CRACD: variants seen among roughly 807,000 people sequenced by gnomAD.
The protein encoded by CRACD is capping protein-inhibiting regulator of actin dynamics.
In CRACD, 56 loss-of-function variants were observed where a neutral mutation model predicts 106.8. The ratio of observed to expected loss-of-function variants is 0.52; its 90% CI spans 0.42 to 0.66. The LOEUF (loss-of-function observed/expected upper bound fraction) is 0.66, where lower values mean the gene tolerates loss of function less well. CRACD is among the 30% of genes least tolerant of loss of function. The pLI, the probability that CRACD is intolerant of heterozygous loss-of-function variation, is 0.00. For missense variants in CRACD, 1,730 were observed against 1,623.2 expected (o/e 1.07, Z -1.13); for synonymous variants, 754 against 670.8 (o/e 1.12, Z -1.92).
chr4:56,252,510 G>A (rs978837215), intron 2 of CRACD, among the ~76,000 whole-genome samples: 1 of 152,166 alleles, frequency 6.6e-6, no homozygotes, highest in East Asian at 1.9e-4. Context: ...CCAGCTCAAG[G>A]CTATAGTATT....
At chr4:56,066,536 C>T (rs1489681930) in intron 1 of CRACD, among the ~76,000 whole-genome samples, 1 of 151,964 alleles carries the variant, frequency 6.6e-6, no homozygotes, top group Non-Finnish European at 1.5e-5. Flanking sequence ...GAGCGAGACC[C>T]TGTCTCAGAA....
chr4:56,133,730 T>C (rs1734901726), intron 1 of CRACD, among the ~76,000 whole-genome samples: 1 of 152,204 alleles, frequency 6.6e-6, no homozygotes, highest in Non-Finnish European at 1.5e-5. Flanking sequence ...AGGATATGAT[T>C]TAGTTCTTTC....
chr4:56,174,907 A>G (rs1228325915), intron 1 of CRACD, among the ~76,000 whole-genome samples: 3 of 152,230 alleles, frequency 2.0e-5, no homozygotes, highest in Admixed American at 1.3e-4. Context: ...CAGAAGGTGA[A>G]GGGGAAGCAA....
intron 1 of CRACD, among the ~76,000 whole-genome samples, chr4:56,161,000 G>A (rs190158169): frequency 1.7e-4 from 26 of 152,290 alleles, no homozygotes; most frequent in Non-Finnish European, 3.2e-4. Flanking sequence ...TTATCTGGGC[G>A]TTCTGGATGT....
At chr4:56,233,138 A>T (rs1739745533) in intron 2 of CRACD, among the ~76,000 whole-genome samples, 1 of 148,964 alleles carries the variant, frequency 6.7e-6, no homozygotes. Context: ...ATTTACTTAT[A>T]TTAAGTTGCG....
intron 3 of CRACD, among the ~76,000 whole-genome samples, chr4:56,296,058 C>T (rs942220449): frequency 1.3e-5 from 2 of 152,116 alleles, no homozygotes; most frequent in African/African-American, 4.8e-5. Flanking sequence ...GTGTCTTCAA[C>T]CCTCTCACAG....
intron 2 of CRACD, among the ~76,000 whole-genome samples, chr4:56,193,055 T>C (rs183518121): frequency 6.6e-6 from 1 of 152,264 alleles, no homozygotes; most frequent in Admixed American, 6.5e-5. Context: ...AAAAGCGGTA[T>C]AATGGACTCA....
chr4:56,255,433 T>G (rs1002657484), intron 2 of CRACD, among the ~76,000 whole-genome samples: 1 of 152,080 alleles, frequency 6.6e-6, no homozygotes, highest in African/African-American at 2.4e-5. Context: ...CCTTGAAATT[T>G]TTAACAGTTC....
chr4:56,177,134 T>C (rs943836529), intron 1 of CRACD, among the ~76,000 whole-genome samples: 18 of 152,300 alleles, frequency 1.2e-4, no homozygotes, highest in African/African-American at 4.3e-4. Flanking sequence ...CCTGTCTTGT[T>C]CTAGAGCTTA....
At chr4:56,101,760 CAAAAAAAA>C (rs60106850) in intron 1 of CRACD, among the ~76,000 whole-genome samples, 3 of 103,296 alleles carry the variant, frequency 2.9e-5, no homozygotes, top group Non-Finnish European at 6.4e-5. Flanking sequence ...AAGACTGTCT[CAAAAAAAA>C]AAAAAAAAAA....
At chr4:56,171,430 C>T (rs1007040086) in intron 1 of CRACD, among the ~76,000 whole-genome samples, 1 of 152,162 alleles carries the variant, frequency 6.6e-6, no homozygotes, top group Admixed American at 6.5e-5. Context: ...CAGTTAGCAG[C>T]ATCATAGATT....
At chr4:56,146,794 A>G (rs930783881) in intron 1 of CRACD, among the ~76,000 whole-genome samples, 2 of 152,062 alleles carry the variant, frequency 1.3e-5, no homozygotes, top group Non-Finnish European at 2.9e-5. Context: ...TTTTGCAACT[A>G]TCATTGTAAC....
At chr4:56,107,660 C>T (rs1733992961) in intron 1 of CRACD, among the ~76,000 whole-genome samples, 1 of 152,182 alleles carries the variant, frequency 6.6e-6, no homozygotes, top group Non-Finnish European at 1.5e-5. Flanking sequence ...GGTAGAGCTG[C>T]TTCTTCAGAT....
chr4:56,128,209 T>C (rs1181405412), intron 1 of CRACD, among the ~76,000 whole-genome samples: 1 of 152,188 alleles, frequency 6.6e-6, no homozygotes, highest in Non-Finnish European at 1.5e-5. Context: ...TAAATGTAAC[T>C]GAACCTGGGA....
At chr4:56,250,944 C>G (rs1741018294) in intron 2 of CRACD, among the ~76,000 whole-genome samples, 1 of 152,200 alleles carries the variant, frequency 6.6e-6, no homozygotes, top group Admixed American at 6.5e-5. Context: ...TTTCCTTGAT[C>G]TAAAGATTCC....
chr4:56,192,638 T>C (rs534799227), intron 2 of CRACD, among the ~76,000 whole-genome samples: 1 of 152,104 alleles, frequency 6.6e-6, no homozygotes, highest in African/African-American at 2.4e-5. Context: ...GTCTAATATA[T>C]ACCATATCAT....
chr4:56,066,639 A>G (rs941635452), intron 1 of CRACD, among the ~76,000 whole-genome samples: 1 of 152,224 alleles, frequency 6.6e-6, no homozygotes, highest in East Asian at 1.9e-4. Context: ...AGCAGGTGGC[A>G]GGTAGAGAAT....
At chr4:56,119,337 T>A (rs1357716300) in intron 1 of CRACD, among the ~76,000 whole-genome samples, 2 of 151,994 alleles carry the variant, frequency 1.3e-5, no homozygotes, top group African/African-American at 2.4e-5. Context: ...GTCTTTTTTT[T>A]TTTCTTTTTT....
intron 4 of CRACD, among the ~76,000 whole-genome samples, chr4:56,299,697 A>G (rs1038938659): frequency 5.9e-5 from 9 of 151,890 alleles, no homozygotes; most frequent in African/African-American, 2.2e-4. Flanking sequence ...CGCTTACCCA[A>G]GAGAAATGCC....
Sources: allele counts gnomAD v4.1 joint callset (sites outside exome capture counted in the v4.1 genomes callset), GRCh38; gene constraint gnomAD v4.1.1; transcripts MANE v1.5; gene names NCBI Gene and HGNC (gene_info 2026-07-23, HGNC 2026-07-21).